The following KCNB2 variants were observed in gnomAD, a reference collection of about 807,000 sequenced individuals.
The protein encoded by KCNB2 is delayed rectifier potassium channel protein.
Under a neutral mutation model 61.5 loss-of-function variants are expected in KCNB2, and 15 were observed. The observed-to-expected ratio is 0.24, with a 90% CI of 0.16 to 0.38. KCNB2 has a LOEUF of 0.38. Among genes scored for constraint, KCNB2 ranks in the 10% least tolerant of loss-of-function variants. The pLI is 1.00. For synonymous variants in KCNB2, 457 were observed against 446.0 expected, an observed-to-expected ratio of 1.02 and a Z score of -0.31; for missense variants, 828 against 1,125.2, an observed-to-expected ratio of 0.74 and a Z score of 3.78.
chr8:72,790,659 T>C (rs1808926146), intron 2 of KCNB2, among the ~76,000 whole-genome samples: 1 of 152,168 alleles, frequency 6.6e-6, no homozygotes, highest in South Asian at 2.1e-4. Context: ...GGTGGTTTTT[T>C]TTCTCCTACT....
At chr8:72,544,539 T>C (rs1806232747) in intron 1 of KCNB2, among the ~76,000 whole-genome samples, 1 of 152,208 alleles carries the variant, frequency 6.6e-6, no homozygotes, top group South Asian at 2.1e-4. Context: ...TAAGACTTGC[T>C]TTAAACAGGA....
intron 2 of KCNB2, among the ~76,000 whole-genome samples, chr8:72,619,836 G>A (rs1805687498): frequency 6.6e-6 from 1 of 152,150 alleles, no homozygotes; most frequent in African/African-American, 2.4e-5. Flanking sequence ...CCATTTGGTT[G>A]ATATGATTTA....
intron 2 of KCNB2, among the ~76,000 whole-genome samples, chr8:72,601,699 A>G (rs1323665873): frequency 6.6e-6 from 1 of 152,198 alleles, no homozygotes; most frequent in Non-Finnish European, 1.5e-5. Context: ...GTTACTGGAA[A>G]TACACCTATT....
chr8:72,560,046 T>G (rs1420233497), intron 1 of KCNB2, among the ~76,000 whole-genome samples: 1 of 152,218 alleles, frequency 6.6e-6, no homozygotes, highest in East Asian at 1.9e-4. Flanking sequence ...ACTTAAGTCA[T>G]AGAGACTTCT....
intron 2 of KCNB2, among the ~76,000 whole-genome samples, chr8:72,823,683 T>C (rs1809549674): frequency 6.6e-6 from 1 of 152,224 alleles, no homozygotes; most frequent in South Asian, 2.1e-4. Context: ...TTACTTTCAT[T>C]GTCTCATGAA....
At chr8:72,870,970 T>C (rs925657615) in intron 2 of KCNB2, among the ~76,000 whole-genome samples, 1 of 152,070 alleles carries the variant, frequency 6.6e-6, no homozygotes, top group Non-Finnish European at 1.5e-5. Flanking sequence ...GAGTAAGACC[T>C]TTTCTCAAGG....
chr8:72,637,614 CCTCT>C (rs142576066), intron 2 of KCNB2, among the ~76,000 whole-genome samples: 3 of 151,052 alleles, frequency 2.0e-5, no homozygotes, highest in African/African-American at 7.3e-5. Context: ...ACTGTTATAG[CCTCT>C]CTCTCTCTCT....
chr8:72,670,338 C>A (rs1245398012), intron 2 of KCNB2, among the ~76,000 whole-genome samples: 3 of 152,176 alleles, frequency 2.0e-5, no homozygotes, highest in Non-Finnish European at 4.4e-5. Context: ...AGAACCTGGA[C>A]TTGGAATAGA....
chr8:72,573,488 G>A (rs988486281), intron 2 of KCNB2, among the ~76,000 whole-genome samples: 11 of 152,230 alleles, frequency 7.2e-5, no homozygotes, highest in Non-Finnish European at 1.6e-4. Flanking sequence ...ATGAAGTGAT[G>A]CAGTGTGAAC....
chr8:72,617,095 A>G (rs1269825271), intron 2 of KCNB2, among the ~76,000 whole-genome samples: 1 of 152,212 alleles, frequency 6.6e-6, no homozygotes, highest in Non-Finnish European at 1.5e-5. Context: ...AGGGTCACAG[A>G]CACATCTGTG....
chr8:72,594,663 C>T (rs1448137877), intron 2 of KCNB2, among the ~76,000 whole-genome samples: 1 of 152,156 alleles, frequency 6.6e-6, no homozygotes, highest in African/African-American at 2.4e-5. Context: ...AGCGCTTTTC[C>T]ATACCTGAGA....
At chr8:72,678,770 T>C (rs1806704690) in intron 2 of KCNB2, among the ~76,000 whole-genome samples, 1 of 152,254 alleles carries the variant, frequency 6.6e-6, no homozygotes, top group African/African-American at 2.4e-5. Context: ...AGTGAATTAC[T>C]GAATGATCCA....
intron 2 of KCNB2, among the ~76,000 whole-genome samples, chr8:72,913,976 G>C (rs573134647): frequency 7.7e-4 from 117 of 152,306 alleles, no homozygotes; most frequent in African/African-American, 2.8e-3. Context: ...ATGTGTCTTA[G>C]TACATTCAGG....
Position 72,666,005 on chromosome 8 carries a change from C to CCCTTCTTT in KCNB2, c.579+97693_579+97700dup, listed in dbSNP as rs369972580. 4.0e-3 allele frequency among the ~76,000 whole-genome samples: 615 copies of CCCTTCTTT among 152,318 alleles called. 7 individuals are homozygous for CCCTTCTTT. Among genetic ancestry groups the CCCTTCTTT allele is most frequent in the African/African-American group, 0.014 (583 of 41,568 alleles). On this transcript the variant is annotated intron_variant, in intron 2 of 2. Coordinates refer to ENST00000523207, the MANE Select transcript of KCNB2 (RefSeq NM_004770.3). ...TGTCCCCTGGGACAGGGTTTAGCGTCCCTTCTTTTCTTAACTTGCCACAGC... is the reference window on the plus strand; with the variant it reads ...TGTCCCCTGGGACAGGGTTTAGCGTCCCTTCTTTCCTTCTTTTCTTAACTTGCCACAGC...
intron 2 of KCNB2, among the ~76,000 whole-genome samples, chr8:72,714,751 A>G (rs1807396202): frequency 6.6e-6 from 1 of 152,200 alleles, no homozygotes; most frequent in Admixed American, 6.5e-5. Context: ...AACTGCATCA[A>G]CTAACAAGCA....
chr8:72,591,172 C>G (rs1162050004), intron 2 of KCNB2, among the ~76,000 whole-genome samples: 1 of 152,040 alleles, frequency 6.6e-6, no homozygotes, highest in Admixed American at 6.6e-5. Flanking sequence ...GTGTACTTTC[C>G]CAATGCTAAG....
intron 2 of KCNB2, among the ~76,000 whole-genome samples, chr8:72,644,346 T>C (rs1806097619): frequency 6.6e-6 from 1 of 152,144 alleles, no homozygotes; most frequent in African/African-American, 2.4e-5. Context: ...TAGCTGGTTA[T>C]TTACTGGATT....
chr8:72,584,111 A>AAAAC (rs1806959256), intron 2 of KCNB2, among the ~76,000 whole-genome samples: 1 of 149,170 alleles, frequency 6.7e-6, no homozygotes, highest in African/African-American at 2.4e-5. Context: ...CAAAACAAAA[A>AAAAC]AAAACAGAAA....
intron 2 of KCNB2, among the ~76,000 whole-genome samples, chr8:72,747,317 G>A (rs1428877661): frequency 6.6e-6 from 1 of 152,156 alleles, no homozygotes; most frequent in East Asian, 1.9e-4. Flanking sequence ...ATGGTGCCTG[G>A]CCCCATGGTG....
Sources: allele counts gnomAD v4.1 joint callset (sites outside exome capture counted in the v4.1 genomes callset), GRCh38; gene constraint gnomAD v4.1.1; transcripts MANE v1.5; gene names NCBI Gene and HGNC (gene_info 2026-07-23, HGNC 2026-07-21).